Variants in RAI1 observed in about 807,000 individuals in gnomAD.
RAI1 encodes the protein retinoic acid induced 1.
In RAI1, 9 loss-of-function variants were observed where a neutral mutation model predicts 123.8. The ratio of observed to expected loss-of-function variants is 0.07; its 90% CI spans 0.04 to 0.13. The LOEUF (loss-of-function observed/expected upper bound fraction) is 0.13, where lower values mean the gene tolerates loss of function less well. Among genes scored for constraint, RAI1 ranks in the 10% least tolerant of loss-of-function variants. RAI1 has a pLI of 1.00. For synonymous variants in RAI1, 1,231 were observed against 1,127.3 expected (o/e 1.09, Z -1.84); for missense variants, 2,256 against 2,545.8 (o/e 0.89, Z 2.45).
At chr17:17,732,420 CA>C (rs1916300737) in intron 2 of RAI1, among the ~76,000 whole-genome samples, 1 of 152,162 alleles carries the variant, frequency 6.6e-6, no homozygotes, top group African/African-American at 2.4e-5. Context: ...GGGATGGGAT[CA>C]GGGGTCACAC....
chr17:17,792,256 A>G (rs2032037377), intron 2 of RAI1, among the ~76,000 whole-genome samples: 2 of 152,224 alleles, frequency 1.3e-5, no homozygotes, highest in African/African-American at 4.8e-5. Flanking sequence ...GATGTCTGCT[A>G]GAAGGAACAG....
chr17:17,734,946 CTGTT>C (rs1488594559), intron 2 of RAI1, among the ~76,000 whole-genome samples: 7 of 152,218 alleles, frequency 4.6e-5, no homozygotes, highest in African/African-American at 1.7e-4. Context: ...AGGAGAGAAT[CTGTT>C]TGAAATCTCA....
intron 2 of RAI1, among the ~76,000 whole-genome samples, chr17:17,725,324 C>T (rs1028911186): frequency 6.6e-6 from 1 of 152,108 alleles, no homozygotes; most frequent in African/African-American, 2.4e-5. Context: ...GCTTGTGTGA[C>T]GAAGTGTTTG....
At chr17:17,783,421 C>G (rs1388141779) in intron 2 of RAI1, among the ~76,000 whole-genome samples, 1 of 149,862 alleles carries the variant, frequency 6.7e-6, no homozygotes, top group African/African-American at 2.5e-5. Flanking sequence ...CGGGGGCGGG[C>G]GGGGGAACAC....
intron 1 of RAI1, among the ~76,000 whole-genome samples, chr17:17,722,982 C>T (rs1016508671): frequency 1.3e-5 from 2 of 152,048 alleles, no homozygotes; most frequent in Non-Finnish European, 2.9e-5. Context: ...GCCTCAGACC[C>T]CACGCAGATC....
chr17:17,713,750 C>CAAA (rs1915633622), intron 1 of RAI1, among the ~76,000 whole-genome samples: 1 of 152,208 alleles, frequency 6.6e-6, no homozygotes, highest in Non-Finnish European at 1.5e-5. Flanking sequence ...GTGTACTTTT[C>CAAA]AATTTTTAAA....
At chr17:17,779,800 G>A (rs1419628079) in intron 2 of RAI1, among the ~76,000 whole-genome samples, 1 of 146,848 alleles carries the variant, frequency 6.8e-6, no homozygotes. Context: ...TTTAATAGAC[G>A]GAGTCTCGCC....
At chr17:17,688,355 A>G (rs7212878) in intron 1 of RAI1, among the ~76,000 whole-genome samples, 152,004 of 152,012 alleles carry the variant, frequency 1, 75,998 homozygotes, top group Middle Eastern at 1. Context: ...GTAGTGTCAC[A>G]TGCCTGTAAT....
chr17:17,766,891 G>A (rs2030955191), intron 2 of RAI1, among the ~76,000 whole-genome samples: 1 of 152,242 alleles, frequency 6.6e-6, no homozygotes, highest in African/African-American at 2.4e-5. Context: ...GGGGAGGGCA[G>A]GAATCTGGTC....
At chr17:17,694,323 G>T (rs1178855498) in intron 1 of RAI1, among the ~76,000 whole-genome samples, 3 of 152,140 alleles carry the variant, frequency 2.0e-5, no homozygotes, top group Non-Finnish European at 4.4e-5. Flanking sequence ...CGGTGGAGAC[G>T]CACGAGGTGC....
At chr17:17,783,736 C>T (rs1214697471) in intron 2 of RAI1, among the ~76,000 whole-genome samples, 1 of 151,212 alleles carries the variant, frequency 6.6e-6, no homozygotes, top group South Asian at 2.1e-4. Flanking sequence ...CCGGGGCGCC[C>T]GGTGACCCCC....
chr17:17,795,493 G>A lies in RAI1; in HGVS notation c.2545G>A (p.Asp849Asn), dbSNP rs866732668. The change falls in exon 3 of 6, where the codon GAC (aspartate) becomes AAC (asparagine). Residue 849 changes from aspartate (D) to asparagine (N), a missense_variant. This residue lies in a region of RAI1 where 566 missense variants were observed against 616.0 expected (regional missense o/e 0.92). Transcript: ENST00000353383. This position sits in a 1 kb window ranked among gnomAD's most constrained non-coding sequence, Gnocchi z 5.9. ...EDSRHCCSTA[D>N]FGDLPLLPPT... ...CAGCCGGCACTGCTGTTCCACCGCC[G>A]ACTTCGGGGACCTCCCACTGCTGCC... 5.7e-6 allele frequency: 9 copies of A among 1,586,254 alleles called. No homozygotes were observed. The African/African-American group carries it at 6.7e-5, about 12-fold the overall frequency.
chr17:17,773,073 GTGGATGGA>G (rs1172543704), intron 2 of RAI1, among the ~76,000 whole-genome samples: 2 of 92,510 alleles, frequency 2.2e-5, no homozygotes, highest in East Asian at 3.7e-4. Context: ...GGGTGGGTGG[GTGGATGGA>G]TGGATGGATG....
chr17:17,775,343 A>G (rs991522251), intron 2 of RAI1, among the ~76,000 whole-genome samples: 40 of 151,906 alleles, frequency 2.6e-4, no homozygotes, highest in Admixed American at 3.9e-4. Flanking sequence ...AGCTGAGACT[A>G]CAGGCATGCA....
intron 2 of RAI1, among the ~76,000 whole-genome samples, chr17:17,762,990 C>T (rs2030768665): frequency 6.6e-6 from 1 of 151,956 alleles, no homozygotes; most frequent in Non-Finnish European, 1.5e-5. Context: ...AGCTGGGATT[C>T]CGAGGCCAGA....
intron 2 of RAI1, among the ~76,000 whole-genome samples, chr17:17,734,720 G>GT (rs1916372413): frequency 6.6e-6 from 1 of 152,258 alleles, no homozygotes; most frequent in Non-Finnish European, 1.5e-5. Context: ...GCGTGTAGGT[G>GT]TATTACATGC....
At chr17:17,750,499 A>C (rs2030112380) in intron 2 of RAI1, among the ~76,000 whole-genome samples, 1 of 152,088 alleles carries the variant, frequency 6.6e-6, no homozygotes, top group African/African-American at 2.4e-5. Context: ...AGGCGGGTGG[A>C]TCACCTGAGG....
At chr17:17,705,650 C>T (rs903677201) in intron 1 of RAI1, among the ~76,000 whole-genome samples, 1 of 152,156 alleles carries the variant, frequency 6.6e-6, no homozygotes, top group Non-Finnish European at 1.5e-5. Context: ...CGCTTATACC[C>T]AGCGGGCAGA....
chr17:17,737,968 C>T (rs544772675), intron 2 of RAI1, among the ~76,000 whole-genome samples: 4 of 152,092 alleles, frequency 2.6e-5, no homozygotes, highest in South Asian at 2.1e-4. Flanking sequence ...GGGGAGGGGG[C>T]GCCCCCCACC....
Sources: allele counts gnomAD v4.1 joint callset (sites outside exome capture counted in the v4.1 genomes callset), GRCh38; gene constraint gnomAD v4.1.1; regional missense constraint gnomAD v4.1.1; non-coding constraint Gnocchi (gnomAD v3.1); transcripts MANE v1.5; gene names NCBI Gene and HGNC (gene_info 2026-07-23, HGNC 2026-07-21).